The following TENM3 variants were observed in gnomAD, a reference collection of about 807,000 sequenced individuals.
TENM3 encodes the protein teneurin-3.
In TENM3, 63 loss-of-function variants were observed where a neutral mutation model predicts 255.1. That is an observed-to-expected ratio of 0.25 (90% CI 0.20 to 0.30). The LOEUF (loss-of-function observed/expected upper bound fraction) is 0.30, where lower values mean the gene tolerates loss of function less well. Ranked by LOEUF, TENM3 falls within the 10% of genes least tolerant of loss-of-function variation. The pLI is 1.00. For missense variants in TENM3, 2,929 were observed against 3,461.1 expected (o/e 0.85, Z 3.86); for synonymous variants, 1,306 against 1,322.3 (o/e 0.99, Z 0.27).
At chr4:182,442,236 C>A (rs1213822279) in intron 3 of TENM3, among the ~76,000 whole-genome samples, 1 of 152,124 alleles carries the variant, frequency 6.6e-6, no homozygotes. Context: ...ATGACTATAT[C>A]ATGAAAACAC....
At chr4:182,054,963 A>C in the TENM3 span, among the ~76,000 whole-genome samples, 3 of 152,158 alleles carry the variant, frequency 2.0e-5, no homozygotes, top group African/African-American at 7.2e-5. Flanking sequence ...GGAGAAGTTT[A>C]TCTGCGAGCC....
chr4:182,152,995 A>G (rs530780415), intron 1 of TENM3, among the ~76,000 whole-genome samples: 125 of 152,056 alleles, frequency 8.2e-4, no homozygotes, highest in African/African-American at 2.9e-3. Flanking sequence ...GATTTACTAA[A>G]GATGCATATA....
At chr4:182,341,154 T>G (rs572723736) in intron 2 of TENM3, among the ~76,000 whole-genome samples, 1 of 152,322 alleles carries the variant, frequency 6.6e-6, no homozygotes, top group Non-Finnish European at 1.5e-5. Flanking sequence ...ATTAAATTTC[T>G]AATTATTGAG....
rs550886479 is a variant in TENM3, at chr4:182,501,805, A to C, written c.512-99119A>C. 1.1e-4 allele frequency among the ~76,000 whole-genome samples: 16 copies of C among 152,114 alleles called. 1 individual carries two copies. In the South Asian group the frequency reaches 3.3e-3, roughly 32 times the overall value. On this transcript the variant is annotated intron_variant, in intron 3 of 27. Coordinates refer to ENST00000511685, the MANE Select transcript of TENM3 (RefSeq NM_001080477.4). ...ATGACTTTTTTTAGTCATTAAGTGT[A>C]TATTGTTAACTTTAAAGCCATAGAT... is the stretch of plus-strand genomic sequence containing the variant.
chr4:181,741,553 C>T, the TENM3 span, among the ~76,000 whole-genome samples: 1 of 152,172 alleles, frequency 6.6e-6, no homozygotes, highest in Admixed American at 6.5e-5. Context: ...TAACTGAAAA[C>T]TCAGCATGCT....
At chr4:181,489,993 T>A in the TENM3 span, among the ~76,000 whole-genome samples, 1 of 152,224 alleles carries the variant, frequency 6.6e-6, no homozygotes, top group Non-Finnish European at 1.5e-5. Context: ...TATTTTATCT[T>A]CTGGAAATAT....
intron 12 of TENM3, among the ~76,000 whole-genome samples, chr4:182,703,101 G>T (rs956990947): frequency 2.0e-5 from 3 of 152,146 alleles, no homozygotes; most frequent in Non-Finnish European, 4.4e-5. Context: ...AATTGTTCTT[G>T]TGTGTATGTG....
the TENM3 span, among the ~76,000 whole-genome samples, chr4:181,868,510 C>A: frequency 6.6e-6 from 1 of 152,126 alleles, no homozygotes; most frequent in East Asian, 1.9e-4. Flanking sequence ...CAAACATCAC[C>A]TGTTTTAATC....
the TENM3 span, among the ~76,000 whole-genome samples, chr4:181,776,731 T>C: frequency 1.3e-5 from 2 of 152,144 alleles, no homozygotes; most frequent in Non-Finnish European, 2.9e-5. Flanking sequence ...CTTTGAGAAA[T>C]GTCTATTCAA....
chr4:182,412,569 G>C (rs1770063190), intron 3 of TENM3, among the ~76,000 whole-genome samples: 1 of 152,122 alleles, frequency 6.6e-6, no homozygotes, highest in Non-Finnish European at 1.5e-5. Context: ...ATCCATAAAA[G>C]AATAAGAAAT....
chr4:182,106,277 A>G, the TENM3 span, among the ~76,000 whole-genome samples: 1 of 152,156 alleles, frequency 6.6e-6, no homozygotes, highest in Non-Finnish European at 1.5e-5. Flanking sequence ...CCTGGGCAAC[A>G]TGGCAAAACC....
At chr4:181,666,525 A>G in the TENM3 span, among the ~76,000 whole-genome samples, 1 of 152,162 alleles carries the variant, frequency 6.6e-6, no homozygotes, top group South Asian at 2.1e-4. Context: ...CAAAATGAAC[A>G]TATATTACTG....
At chr4:182,439,787 A>C (rs186760959) in intron 3 of TENM3, among the ~76,000 whole-genome samples, 4 of 152,292 alleles carry the variant, frequency 2.6e-5, no homozygotes, top group Non-Finnish European at 5.9e-5. Context: ...AATCTGTAAC[A>C]TGTATCTTTG....
chr4:182,688,112 TTC>T, intron 11 of TENM3, 52 bp from the exon 12 acceptor site: 1 of 1,459,738 alleles, frequency 6.9e-7, no homozygotes, highest in East Asian at 2.5e-5. Flanking sequence ...TTAATTCCCC[TTC>T]TCTCTCCCGC....
At chr4:181,765,863 A>G in the TENM3 span, among the ~76,000 whole-genome samples, 64 of 152,348 alleles carry the variant, frequency 4.2e-4, no homozygotes, top group African/African-American at 1.4e-3. Flanking sequence ...GATATAATAC[A>G]GTGTGGAAGA....
chr4:182,723,652 A>C (rs1759923325), intron 13 of TENM3, among the ~76,000 whole-genome samples: 1 of 152,188 alleles, frequency 6.6e-6, no homozygotes. Flanking sequence ...AATCCAACAA[A>C]ATGTGTATTG....
chr4:182,084,819 A>G, the TENM3 span: 3 of 152,352 alleles, frequency 2.0e-5, no homozygotes, highest in South Asian at 6.2e-4. Context: ...AAAATCTTTC[A>G]TGTATAAATC....
chr4:182,749,345 C>G (rs985743095), intron 19 of TENM3, among the ~76,000 whole-genome samples: 10 of 152,096 alleles, frequency 6.6e-5, no homozygotes, highest in Non-Finnish European at 1.0e-4. Context: ...TTAGGTTTAA[C>G]AAACCTAAAC....
At chr4:181,929,666 TCCTACCAAGTGGA>T in the TENM3 span, among the ~76,000 whole-genome samples, 1 of 152,134 alleles carries the variant, frequency 6.6e-6, no homozygotes, top group Non-Finnish European at 1.5e-5. Flanking sequence ...TGAACTCAGC[TCCTACCAAGTGGA>T]CCTAATAAAC....
Sources: allele counts gnomAD v4.1 joint callset (sites outside exome capture counted in the v4.1 genomes callset), GRCh38; gene constraint gnomAD v4.1.1; transcripts MANE v1.5; gene names NCBI Gene and HGNC (gene_info 2026-07-23, HGNC 2026-07-21).